PCGF5: variants seen among roughly 807,000 people sequenced by gnomAD.
PCGF5 encodes polycomb group ring finger 5.
Under a neutral mutation model 44.3 loss-of-function variants are expected in PCGF5, and 9 were observed. The ratio of observed to expected loss-of-function variants is 0.20; its 90% CI spans 0.12 to 0.35. The LOEUF (loss-of-function observed/expected upper bound fraction) is 0.35, where lower values mean the gene tolerates loss of function less well. Ranked by LOEUF, PCGF5 falls within the 10% of genes least tolerant of loss-of-function variation. The pLI, the probability that PCGF5 is intolerant of heterozygous loss-of-function variation, is 1.00. For synonymous variants in PCGF5, 95 were observed against 102.5 expected (o/e 0.93, Z 0.44); for missense variants, 146 against 305.3 (o/e 0.48, Z 3.89).
chr10:91,264,285 T>C, intron 7 of PCGF5, 146 bp from the exon 8 acceptor site: 1 of 616,224 alleles, frequency 1.6e-6, no homozygotes, highest in Non-Finnish European at 2.8e-6. Context: ...TTGTTAATGC[T>C]TTAGGAGAAT....
intron 1 of PCGF5, among the ~76,000 whole-genome samples, chr10:91,189,670 T>C (rs1048785854): frequency 1.3e-5 from 2 of 152,216 alleles, no homozygotes; most frequent in East Asian, 3.8e-4. Flanking sequence ...AAATATTAAA[T>C]ATCTAGGATA....
intron 1 of PCGF5, among the ~76,000 whole-genome samples, chr10:91,181,913 T>G (rs958761074): frequency 1.3e-5 from 2 of 152,186 alleles, no homozygotes; most frequent in East Asian, 1.9e-4. Context: ...TCCTTTTCAG[T>G]TTTTTGGAAT....
chr10:91,225,433 G>A (rs1844804538), intron 2 of PCGF5, among the ~76,000 whole-genome samples: 1 of 151,538 alleles, frequency 6.6e-6, no homozygotes, highest in Admixed American at 6.6e-5. Context: ...CTTTTACTGA[G>A]AGAGAATGAA....
intron 8 of PCGF5, among the ~76,000 whole-genome samples, chr10:91,269,027 T>G (rs943157277): frequency 6.6e-6 from 1 of 152,180 alleles, no homozygotes; most frequent in African/African-American, 2.4e-5. Flanking sequence ...TTCTTGATCT[T>G]TAATGCAAAT....
chr10:91,209,167 C>T (rs1376144219), intron 1 of PCGF5, among the ~76,000 whole-genome samples: 1 of 152,086 alleles, frequency 6.6e-6, no homozygotes, highest in East Asian at 1.9e-4. Flanking sequence ...ATCATTAATC[C>T]TTTTTTCTGA....
chr10:91,162,774 A>G (rs1843409288), upstream of PCGF5, among the ~76,000 whole-genome samples: 1 of 150,644 alleles, frequency 6.6e-6, no homozygotes, highest in African/African-American at 2.4e-5. Context: ...TTTGTGTCCA[A>G]TCAGGGAGTG....
At chr10:91,235,108 C>G (rs1214467426) in intron 2 of PCGF5, among the ~76,000 whole-genome samples, 1 of 152,190 alleles carries the variant, frequency 6.6e-6, no homozygotes, top group Non-Finnish European at 1.5e-5. Flanking sequence ...CTCCTACTCT[C>G]CCTTGGCCAA....
chr10:91,260,033 A>G (rs61875624), intron 6 of PCGF5, among the ~76,000 whole-genome samples: 1 of 151,942 alleles, frequency 6.6e-6, no homozygotes, highest in African/African-American at 2.4e-5. Context: ...CAGGCAACCT[A>G]CAGAATGGGA....
chr10:91,214,588 G>A (rs1844509111), intron 1 of PCGF5, among the ~76,000 whole-genome samples: 1 of 152,166 alleles, frequency 6.6e-6, no homozygotes, highest in African/African-American at 2.4e-5. Context: ...TAAGAACAAA[G>A]CAAAACAAAA....
At chr10:91,264,765 C>G (rs1846006247) in intron 8 of PCGF5, among the ~76,000 whole-genome samples, 1 of 152,088 alleles carries the variant, frequency 6.6e-6, no homozygotes, top group African/African-American at 2.4e-5. Flanking sequence ...ATGTTCAGGA[C>G]TCTACTAACC....
intron 6 of PCGF5, among the ~76,000 whole-genome samples, chr10:91,258,150 G>T (rs1017886517): frequency 9.9e-5 from 15 of 152,106 alleles, no homozygotes; most frequent in Non-Finnish European, 1.9e-4. Flanking sequence ...GGAAGGTTGC[G>T]GAGTGACTGT....
At chr10:91,167,685 G>T (rs1273942429) in intron 1 of PCGF5, among the ~76,000 whole-genome samples, 2 of 152,200 alleles carry the variant, frequency 1.3e-5, no homozygotes, top group African/African-American at 4.8e-5. Context: ...TGAATGCTGG[G>T]CTAAGGAGAC....
At chr10:91,206,964 T>C (rs1396840565) in intron 1 of PCGF5, among the ~76,000 whole-genome samples, 2 of 152,162 alleles carry the variant, frequency 1.3e-5, no homozygotes. Context: ...GATCACTACA[T>C]GACCTTATTT....
intron 7 of PCGF5, among the ~76,000 whole-genome samples, chr10:91,263,791 G>C (rs1845982084): frequency 6.6e-6 from 1 of 152,124 alleles, no homozygotes; most frequent in Non-Finnish European, 1.5e-5. Context: ...TGTAAGTATT[G>C]TGCAAATCAC....
intron 1 of PCGF5, among the ~76,000 whole-genome samples, chr10:91,214,692 T>A (rs1337060314): frequency 6.6e-6 from 1 of 152,080 alleles, no homozygotes; most frequent in African/African-American, 2.4e-5. Context: ...GACAAACAGA[T>A]GAACGGCCAA....
chr10:91,183,910 G>A (rs548262730), intron 1 of PCGF5, among the ~76,000 whole-genome samples: 46 of 152,160 alleles, frequency 3.0e-4, no homozygotes, highest in Non-Finnish European at 5.4e-4. Context: ...CTGGCTTGTA[G>A]GGTTTCTGCT....
intron 2 of PCGF5, among the ~76,000 whole-genome samples, chr10:91,224,889 C>T (rs945545513): frequency 6.6e-6 from 1 of 152,072 alleles, no homozygotes; most frequent in African/African-American, 2.4e-5. Flanking sequence ...ATTCTACTTC[C>T]GTTTCCCGTT....
At chr10:91,250,309 C>G (rs562393653) in intron 5 of PCGF5, among the ~76,000 whole-genome samples, 1 of 151,954 alleles carries the variant, frequency 6.6e-6, no homozygotes, top group South Asian at 2.1e-4. Flanking sequence ...AGGATCTGGC[C>G]AGTCACTTTG....
At chr10:91,175,515 C>T (rs928096591) in intron 1 of PCGF5, among the ~76,000 whole-genome samples, 4 of 150,600 alleles carry the variant, frequency 2.7e-5, no homozygotes, top group African/African-American at 5.0e-5. Context: ...TTCAACAACC[C>T]TATAACCTTC....
Sources: allele counts gnomAD v4.1 joint callset (sites outside exome capture counted in the v4.1 genomes callset), GRCh38; gene constraint gnomAD v4.1.1; transcripts MANE v1.5; gene names NCBI Gene and HGNC (gene_info 2026-07-23, HGNC 2026-07-21).